Variants in LYPD6B observed in about 807,000 individuals in gnomAD.
LYPD6B encodes the protein LY6/PLAUR domain containing 6B.
A neutral mutation model predicts 22.8 loss-of-function variants in LYPD6B; 17 were observed. The ratio of observed to expected loss-of-function variants is 0.75; its 90% CI spans 0.51 to 1.12. LYPD6B has a LOEUF of 1.12. Ranked by LOEUF, LYPD6B falls within the 50% of genes most tolerant of loss-of-function variation. LYPD6B has a pLI of 0.00. For missense variants in LYPD6B, 221 were observed against 258.3 expected, an observed-to-expected ratio of 0.86 and a Z score of 0.99; for synonymous variants, 106 against 91.6, an observed-to-expected ratio of 1.16 and a Z score of -0.90.
intron 1 of LYPD6B, among the ~76,000 whole-genome samples, chr2:149,080,197 C>T (rs1685061152): frequency 6.6e-6 from 1 of 152,180 alleles, no homozygotes; most frequent in Admixed American, 6.5e-5. Flanking sequence ...CCAGGCCTCT[C>T]TCCTGGCTTC....
At chr2:149,064,602 C>G (rs78890231) in intron 1 of LYPD6B, among the ~76,000 whole-genome samples, 1 of 152,106 alleles carries the variant, frequency 6.6e-6, no homozygotes, top group African/African-American at 2.4e-5. Flanking sequence ...GAAATAAAGG[C>G]ACTAGAGACA....
At chr2:149,129,359 T>C (rs1426731810) in intron 1 of LYPD6B, among the ~76,000 whole-genome samples, 1 of 152,214 alleles carries the variant, frequency 6.6e-6, no homozygotes, top group African/African-American at 2.4e-5. Flanking sequence ...AGGATGTTTC[T>C]TGAGAGTGTG....
intron 1 of LYPD6B, among the ~76,000 whole-genome samples, chr2:149,105,570 A>C (rs1251159132): frequency 2.6e-5 from 4 of 152,134 alleles, no homozygotes; most frequent in Admixed American, 2.6e-4. Flanking sequence ...GGTATTTATA[A>C]ATAATAATGG....
intron 4 of LYPD6B, 137 bp from the exon 5 acceptor site, chr2:149,208,177 C>G (rs1487484181): frequency 1.6e-6 from 1 of 625,312 alleles, no homozygotes; most frequent in Non-Finnish European, 2.8e-6. Flanking sequence ...ATCTAGCTCT[C>G]TAGAAACAGT....
At chr2:149,205,748 A>G (rs981453871) in intron 4 of LYPD6B, among the ~76,000 whole-genome samples, 2 of 152,196 alleles carry the variant, frequency 1.3e-5, no homozygotes, top group African/African-American at 4.8e-5. Flanking sequence ...TTCTGCATAA[A>G]TGATCTATTA....
chr2:149,140,104 C>T (rs745971467), intron 2 of LYPD6B, among the ~76,000 whole-genome samples: 10 of 152,014 alleles, frequency 6.6e-5, no homozygotes, highest in Non-Finnish European at 1.0e-4. Flanking sequence ...AATTCACAAA[C>T]GTATATAACC....
At chr2:149,192,622 T>C (rs546863504) in intron 3 of LYPD6B, among the ~76,000 whole-genome samples, 12 of 152,164 alleles carry the variant, frequency 7.9e-5, no homozygotes, top group African/African-American at 2.9e-4. Flanking sequence ...ATTTCCTCCT[T>C]ATACCCTGGA....
intron 1 of LYPD6B, among the ~76,000 whole-genome samples, chr2:149,095,537 C>G (rs114884186): frequency 6.6e-6 from 1 of 152,288 alleles, no homozygotes; most frequent in African/African-American, 2.4e-5. Flanking sequence ...ATTATTTACT[C>G]TTAGCTAATC....
intron 3 of LYPD6B, among the ~76,000 whole-genome samples, chr2:149,162,326 T>G (rs1303676071): frequency 6.6e-6 from 1 of 152,194 alleles, no homozygotes; most frequent in Non-Finnish European, 1.5e-5. Context: ...AGGAAGGGTC[T>G]ATTAATATCC....
chr2:149,141,274 C>A (rs923422069), intron 2 of LYPD6B, among the ~76,000 whole-genome samples: 1 of 152,144 alleles, frequency 6.6e-6, no homozygotes, highest in Non-Finnish European at 1.5e-5. Flanking sequence ...GGGAACCATG[C>A]GTGCAAAGTC....
At chr2:149,154,249 G>C (rs187096212) in intron 2 of LYPD6B, among the ~76,000 whole-genome samples, 4 of 151,650 alleles carry the variant, frequency 2.6e-5, no homozygotes, top group African/African-American at 7.3e-5. Flanking sequence ...CCTTATAAGA[G>C]AAAGGAAGGA....
At chr2:149,070,988 C>T (rs989008528) in intron 1 of LYPD6B, among the ~76,000 whole-genome samples, 3 of 152,102 alleles carry the variant, frequency 2.0e-5, no homozygotes, top group Admixed American at 1.3e-4. Flanking sequence ...TTTTGTCTAC[C>T]GATAAAAGGT....
intron 1 of LYPD6B, among the ~76,000 whole-genome samples, chr2:149,080,657 C>T (rs1685079415): frequency 3.3e-5 from 5 of 152,080 alleles, no homozygotes; most frequent in African/African-American, 9.6e-5. Context: ...GCCTGGACAA[C>T]ATGGTGAAAC....
At chr2:149,160,627 G>C in intron 2 of LYPD6B, 137 bp from the exon 3 acceptor site, 1 of 696,444 alleles carries the variant, frequency 1.4e-6, no homozygotes, top group Non-Finnish European at 2.6e-6. Flanking sequence ...TTGTTCAATT[G>C]ACTGTATTGC....
intron 1 of LYPD6B, among the ~76,000 whole-genome samples, chr2:149,091,591 T>G (rs1685654335): frequency 6.6e-6 from 1 of 151,804 alleles, no homozygotes; most frequent in Admixed American, 6.6e-5. Flanking sequence ...TCTCACTACT[T>G]CCCTTGGGTT....
intron 4 of LYPD6B, among the ~76,000 whole-genome samples, chr2:149,206,947 A>C (rs973585663): frequency 6.6e-6 from 1 of 152,134 alleles, no homozygotes; most frequent in African/African-American, 2.4e-5. Flanking sequence ...AAGAAATCAC[A>C]AGCAAACTAA....
chr2:149,091,844 A>G (rs1163726548), intron 1 of LYPD6B, among the ~76,000 whole-genome samples: 1 of 152,210 alleles, frequency 6.6e-6, no homozygotes, highest in Non-Finnish European at 1.5e-5. Context: ...TAAAAGGATA[A>G]TTTTAAGATA....
chr2:149,104,947 A>G lies in LYPD6B; in HGVS notation c.-66-25936A>G, dbSNP rs1574974636. Among the ~76,000 whole-genome samples the G allele has an allele frequency of 5.9e-5, 9 of 152,292 alleles. No individual in the cohort carries two copies. In the East Asian group the frequency reaches 1.7e-3, roughly 29 times the overall value. ...AATTGACACATAATTATGCATATTT[A>G]TGGGGTACGATGTGATGTTTCAATG... On this transcript the variant is annotated intron_variant, in intron 1 of 6. Transcript: ENST00000409642.
At chr2:149,063,209 T>C (rs1409624257) in intron 1 of LYPD6B, among the ~76,000 whole-genome samples, 1 of 152,198 alleles carries the variant, frequency 6.6e-6, no homozygotes, top group Admixed American at 6.5e-5. Flanking sequence ...TGCCAAATCT[T>C]GACCAAATTA....
Sources: allele counts gnomAD v4.1 joint callset (sites outside exome capture counted in the v4.1 genomes callset), GRCh38; gene constraint gnomAD v4.1.1; transcripts MANE v1.5; gene names NCBI Gene and HGNC (gene_info 2026-07-23, HGNC 2026-07-21).